PTPRT: variants seen among roughly 807,000 people sequenced by gnomAD.
The protein encoded by PTPRT is protein tyrosine phosphatase receptor type T, also known as receptor-type tyrosine-protein phosphatase T.
PTPRT carries 56 observed loss-of-function variants against 176.8 expected under a neutral mutation model. That is an observed-to-expected ratio of 0.32 (90% CI 0.26 to 0.40). PTPRT has a LOEUF of 0.40. Ranked by LOEUF, PTPRT falls within the 10% of genes least tolerant of loss-of-function variation. The pLI, the probability that PTPRT is intolerant of heterozygous loss-of-function variation, is 1.00. For synonymous variants in PTPRT, 783 were observed against 739.0 expected, an observed-to-expected ratio of 1.06 and a Z score of -0.96; for missense variants, 1,540 against 1,908.2, an observed-to-expected ratio of 0.81 and a Z score of 3.60.
intron 7 of PTPRT, among the ~76,000 whole-genome samples, chr20:42,621,204 C>G (rs1024760646): frequency 6.6e-6 from 1 of 152,212 alleles, no homozygotes; most frequent in African/African-American, 2.4e-5. Context: ...ATCCTTCCCC[C>G]TGGGCTCTAG....
chr20:42,883,728 ACCCC>A (rs2079049038), intron 2 of PTPRT, among the ~76,000 whole-genome samples: 1 of 8,096 alleles, frequency 1.2e-4, no homozygotes, highest in Non-Finnish European at 2.3e-4. Flanking sequence ...ACACCCATAC[ACCCC>A]CATACACTCT....
At chr20:42,161,213 T>G in intron 17 of PTPRT, 139 bp downstream of exon 17, 12 of 897,714 alleles carry the variant, frequency 1.3e-5, no homozygotes, top group Non-Finnish European at 2.1e-5. Context: ...GGATGGGGCC[T>G]GAGATGTTGC....
intron 1 of PTPRT, among the ~76,000 whole-genome samples, chr20:43,178,366 G>C: frequency 6.6e-6 from 1 of 152,194 alleles, no homozygotes; most frequent in East Asian, 1.9e-4. Flanking sequence ...CACCCACCCC[G>C]CAACCCTGAT....
At chr20:42,781,355 G>T (rs1212459882) in intron 3 of PTPRT, among the ~76,000 whole-genome samples, 1 of 152,066 alleles carries the variant, frequency 6.6e-6, no homozygotes, top group East Asian at 1.9e-4. Context: ...AATCCCAGCA[G>T]ACACCCACAT....
intron 6 of PTPRT, among the ~76,000 whole-genome samples, chr20:42,747,157 A>G (rs779936962): frequency 4.6e-5 from 7 of 152,246 alleles, no homozygotes; most frequent in Non-Finnish European, 8.8e-5. Flanking sequence ...GAAAAGGTAA[A>G]GAAACAGATA....
chr20:42,833,649 G>A (rs2078132041), intron 2 of PTPRT, among the ~76,000 whole-genome samples: 1 of 151,926 alleles, frequency 6.6e-6, no homozygotes, highest in Non-Finnish European at 1.5e-5. Context: ...TAAAAGATAA[G>A]GAATCAGAAT....
chr20:42,143,843 G>A (rs1017923080), intron 17 of PTPRT, among the ~76,000 whole-genome samples: 1 of 152,184 alleles, frequency 6.6e-6, no homozygotes, highest in African/African-American at 2.4e-5. Flanking sequence ...TACCACTGTG[G>A]GCAACTGGGG....
At chr20:42,415,813 A>G (rs74604315) in intron 9 of PTPRT, among the ~76,000 whole-genome samples, 15 of 152,318 alleles carry the variant, frequency 9.8e-5, no homozygotes, top group East Asian at 1.9e-4. Context: ...GGTCATCTCC[A>G]TCATTATTTA....
chr20:42,113,798 C>T (rs900862251), intron 22 of PTPRT, among the ~76,000 whole-genome samples: 5 of 152,198 alleles, frequency 3.3e-5, no homozygotes, highest in African/African-American at 1.2e-4. Context: ...AAAACCTGAC[C>T]TAAGGCAACA....
At chr20:42,723,200 G>A (rs1218708247) in intron 6 of PTPRT, among the ~76,000 whole-genome samples, 1 of 152,144 alleles carries the variant, frequency 6.6e-6, no homozygotes, top group Non-Finnish European at 1.5e-5. Context: ...GTCTTGTCAC[G>A]ATTTTGATTA....
At chr20:42,502,993 C>A (rs2071778361) in intron 7 of PTPRT, among the ~76,000 whole-genome samples, 1 of 152,016 alleles carries the variant, frequency 6.6e-6, no homozygotes. Context: ...TATTACCAAT[C>A]TGTAAGTTTA....
intron 16 of PTPRT, among the ~76,000 whole-genome samples, chr20:42,196,875 A>G (rs745558649): frequency 6.6e-5 from 10 of 152,244 alleles, no homozygotes; most frequent in South Asian, 4.1e-4. Flanking sequence ...TTTAAAAGCC[A>G]TTATCTAACC....
intron 9 of PTPRT, among the ~76,000 whole-genome samples, chr20:42,352,547 T>A (rs1258908328): frequency 6.6e-6 from 1 of 151,792 alleles, no homozygotes; most frequent in Non-Finnish European, 1.5e-5. Context: ...CTTACAGAGA[T>A]AGAGAGTAGA....
intron 1 of PTPRT, among the ~76,000 whole-genome samples, chr20:42,900,714 G>A (rs2079389148): frequency 6.6e-6 from 1 of 152,144 alleles, no homozygotes; most frequent in African/African-American, 2.4e-5. Flanking sequence ...GCTGAGGCAG[G>A]GCTTGCATGT....
At chr20:43,172,092 C>G (rs1195927396) in intron 1 of PTPRT, among the ~76,000 whole-genome samples, 1 of 152,200 alleles carries the variant, frequency 6.6e-6, no homozygotes, top group East Asian at 1.9e-4. Flanking sequence ...TAGTCCTAGT[C>G]TCCAAGTGCC....
In PTPRT at chr20:42,156,504, G is replaced by GCTTCTTTAT. The variant is rs1989362048; in HGVS notation, c.2682+4839_2682+4847dup. Among the ~76,000 whole-genome samples the GCTTCTTTAT allele has an allele frequency of 5.9e-5, 9 of 152,258 alleles. No individual in the cohort carries two copies. The South Asian group carries it at 1.7e-3, about 28-fold the overall frequency. On this transcript the variant is annotated intron_variant, in intron 17 of 30. Coordinates refer to ENST00000373187, the MANE Select transcript of PTPRT (RefSeq NM_007050.6). ...TCCCAAAGCTTTCTCTCCAGCCCAG[G>GCTTCTTTAT]CTTCTTTATCAAATTCCAACTTCAT...
Position 42,200,865 on chromosome 20 carries a change from G to A in PTPRT, c.2343-1477C>T, listed in dbSNP as rs565165868. 2.0e-5 allele frequency among the ~76,000 whole-genome samples: 3 copies of A among 152,254 alleles called. No individual in the cohort carries two copies. In the East Asian group the frequency reaches 5.8e-4, roughly 29 times the overall value. On this transcript the variant is annotated intron_variant, in intron 15 of 30. Coordinates refer to ENST00000373187, the MANE Select transcript of PTPRT (RefSeq NM_007050.6). ...TTCAAATTCAATTTTGGTCATTCCT[G>A]TCCTGTCTCAACACACAAAAAGGGC... is the stretch of plus-strand genomic sequence containing the variant.
chr20:42,531,193 A>G lies in PTPRT; in HGVS notation c.1154-58631T>C, dbSNP rs1360378923. Among the ~76,000 whole-genome samples the G allele has an allele frequency of 2.0e-5, 3 of 152,154 alleles. No individual in the cohort carries two copies. In the South Asian group the frequency reaches 6.2e-4, roughly 31 times the overall value. ...TTCTTCAGGGGTACTCTTTTTTATT[A>G]TGGGCTGTGAAGTTCTGAAATGTTT... is the stretch of plus-strand genomic sequence containing the variant. On this transcript the variant is annotated intron_variant, in intron 7 of 30. Coordinates refer to ENST00000373187, the MANE Select transcript of PTPRT (RefSeq NM_007050.6).
intron 9 of PTPRT, among the ~76,000 whole-genome samples, chr20:42,437,435 G>T (rs1191843754): frequency 6.6e-6 from 1 of 152,176 alleles, no homozygotes; most frequent in Admixed American, 6.5e-5. Flanking sequence ...TTTACTGTTT[G>T]CACAACCCAC....
Sources: allele counts gnomAD v4.1 joint callset (sites outside exome capture counted in the v4.1 genomes callset), GRCh38; gene constraint gnomAD v4.1.1; transcripts MANE v1.5; gene names NCBI Gene and HGNC (gene_info 2026-07-23, HGNC 2026-07-21).